Variants in PREX1 observed in about 807,000 individuals in gnomAD.
The protein encoded by PREX1 is phosphatidylinositol 3,4,5-trisphosphate-dependent Rac exchanger 1 protein.
Under a neutral mutation model 198.3 loss-of-function variants are expected in PREX1, and 41 were observed. The ratio of observed to expected loss-of-function variants is 0.21; its 90% confidence interval spans 0.16 to 0.27. The LOEUF (loss-of-function observed/expected upper bound fraction) is 0.27. Among genes scored for constraint, PREX1 ranks in the 10% least tolerant of loss-of-function variants. The probability of loss-of-function intolerance (pLI) is 1.00; values close to 1 mark genes in which losing one functional copy is unlikely to be tolerated. For missense variants in PREX1, 1,620 were observed against 2,200.7 expected (o/e 0.74, Z 5.28); for synonymous variants, 843 against 887.2 (o/e 0.95, Z 0.89).
At chr20:48,813,650 A>G (rs2090446169) in intron 1 of PREX1, among the ~76,000 whole-genome samples, 1 of 152,188 alleles carries the variant, frequency 6.6e-6, no homozygotes, top group Admixed American at 6.5e-5. Flanking sequence ...GTGTGTGTGC[A>G]TGATGGAGAC....
chr20:48,755,045 A>G (rs943950952), intron 1 of PREX1, among the ~76,000 whole-genome samples: 2 of 152,308 alleles, frequency 1.3e-5, no homozygotes, highest in African/African-American at 4.8e-5. Flanking sequence ...CTTTACCTTC[A>G]ATATCTGATT....
intron 10 of PREX1, among the ~76,000 whole-genome samples, chr20:48,681,678 A>AGATGGATG (rs376886223): frequency 0.18 from 26,790 of 149,936 alleles, 2,413 homozygotes; most frequent in South Asian, 0.26. Flanking sequence ...GTGACTACAT[A>AGATGGATG]GATGGATGGA....
intron 25 of PREX1, 58 bp from the exon 26 acceptor site, chr20:48,646,115 C>G: frequency 6.5e-7 from 1 of 1,544,542 alleles, no homozygotes; most frequent in South Asian, 1.1e-5. Flanking sequence ...GTGTCCCTTC[C>G]CTGAAAATCC....
At chr20:48,630,133 C>T (rs2089302255) in intron 36 of PREX1, among the ~76,000 whole-genome samples, 1 of 152,204 alleles carries the variant, frequency 6.6e-6, no homozygotes, top group Non-Finnish European at 1.5e-5. Context: ...CTCACAGCCC[C>T]AAGACAGCAC....
intron 2 of PREX1, among the ~76,000 whole-genome samples, chr20:48,745,785 A>G (rs1442920507): frequency 6.6e-6 from 1 of 152,208 alleles, no homozygotes; most frequent in African/African-American, 2.4e-5. Flanking sequence ...AGTTGTTCCC[A>G]ACAAGGGGCA....
intron 20 of PREX1, 105 bp from the exon 21 acceptor site, chr20:48,652,811 C>T: frequency 7.7e-7 from 1 of 1,304,754 alleles, no homozygotes; most frequent in South Asian, 1.5e-5. Flanking sequence ...TCTGGAAACT[C>T]ACTGACCACC....
At chr20:48,729,168 C>T (rs1392822897) in intron 4 of PREX1, among the ~76,000 whole-genome samples, 1 of 152,046 alleles carries the variant, frequency 6.6e-6, no homozygotes, top group African/African-American at 2.4e-5. Context: ...CCTCTGCCTC[C>T]TAGGTTCAAG....
chr20:48,865,950 C>CTT, the PREX1 span, among the ~76,000 whole-genome samples: 8 of 140,244 alleles, frequency 5.7e-5, no homozygotes, highest in Admixed American at 7.2e-5. Flanking sequence ...AAGTGTTAAA[C>CTT]TTTTTTTTTT....
At chr20:48,676,147 C>G in intron 14 of PREX1, 46 bp downstream of exon 14, 1 of 1,562,478 alleles carries the variant, frequency 6.4e-7, no homozygotes, top group South Asian at 1.1e-5. Context: ...CCCACACTGA[C>G]GGACAAAGCA....
chr20:48,772,760 T>A (rs1028735282), intron 1 of PREX1, among the ~76,000 whole-genome samples: 3 of 152,196 alleles, frequency 2.0e-5, no homozygotes, highest in African/African-American at 7.2e-5. Flanking sequence ...GCCGCATGGC[T>A]GAGTGCCAAG....
chr20:48,873,592 C>T, the PREX1 span, among the ~76,000 whole-genome samples: 7 of 148,262 alleles, frequency 4.7e-5, no homozygotes, highest in South Asian at 2.1e-4. Flanking sequence ...TGGTGGCGGG[C>T]GCCTATAATC....
At chr20:48,836,650 C>T in the PREX1 span, among the ~76,000 whole-genome samples, 1 of 152,120 alleles carries the variant, frequency 6.6e-6, no homozygotes, top group African/African-American at 2.4e-5. Flanking sequence ...TGCGGTGGCT[C>T]ACGCCTGTAA....
chr20:48,868,828 G>T, the PREX1 span, among the ~76,000 whole-genome samples: 5 of 151,920 alleles, frequency 3.3e-5, no homozygotes, highest in Admixed American at 3.3e-4. Flanking sequence ...CAAACACATT[G>T]TTTTACACCG....
At chr20:48,825,231 C>T (rs1024073601) in intron 1 of PREX1, among the ~76,000 whole-genome samples, 1 of 152,140 alleles carries the variant, frequency 6.6e-6, no homozygotes, top group African/African-American at 2.4e-5. Flanking sequence ...CAACGTATGG[C>T]TGGTCAGGTT....
At chr20:48,744,020 ATGATGATGATGAT>A (rs748620699) in intron 3 of PREX1, among the ~76,000 whole-genome samples, 7 of 150,064 alleles carry the variant, frequency 4.7e-5, no homozygotes, top group Non-Finnish European at 8.9e-5. Context: ...GATGATGATG[ATGATGATGATGAT>A]GAGTTAACAG....
At chr20:48,716,633 G>A (rs999253251) in intron 5 of PREX1, among the ~76,000 whole-genome samples, 1 of 152,138 alleles carries the variant, frequency 6.6e-6, no homozygotes. Context: ...CTCCTCTCTC[G>A]GGCCATGGAG....
At chr20:48,702,092 C>T (rs939534633) in intron 6 of PREX1, among the ~76,000 whole-genome samples, 1 of 151,972 alleles carries the variant, frequency 6.6e-6, no homozygotes, top group Non-Finnish European at 1.5e-5. Context: ...GCCTGTAATC[C>T]CAGCTACTCG....
chr20:48,770,726 C>T (rs2090231560), intron 1 of PREX1, among the ~76,000 whole-genome samples: 1 of 151,986 alleles, frequency 6.6e-6, no homozygotes, highest in Non-Finnish European at 1.5e-5. Flanking sequence ...AAAAATCTGG[C>T]CATGCAGAAG....
chr20:48,734,755 TG>T, intron 3 of PREX1, 105 bp from the exon 4 acceptor site: 3 of 907,626 alleles, frequency 3.3e-6, no homozygotes, highest in Non-Finnish European at 5.2e-6. Context: ...AGGACTACCC[TG>T]ACCCAGGAGA....
Sources: allele counts gnomAD v4.1 joint callset (sites outside exome capture counted in the v4.1 genomes callset), GRCh38; gene constraint gnomAD v4.1.1; transcripts MANE v1.5; gene names NCBI Gene and HGNC (gene_info 2026-07-23, HGNC 2026-07-21).